EDC3: variants seen among roughly 807,000 people sequenced by gnomAD.
The protein encoded by EDC3 is enhancer of mRNA decapping 3.
Under a neutral mutation model 41.8 loss-of-function variants are expected in EDC3, and 20 were observed. The ratio of observed to expected loss-of-function variants is 0.48; its 90% CI spans 0.34 to 0.70. EDC3 has a LOEUF of 0.70. Ranked by LOEUF, EDC3 falls within the 30% of genes least tolerant of loss-of-function variation. The pLI, the probability that EDC3 is intolerant of heterozygous loss-of-function variation, is 0.01. For missense variants in EDC3, 444 were observed against 636.8 expected (o/e 0.70, Z 3.26); for synonymous variants, 206 against 243.2 (o/e 0.85, Z 1.42).
intron 1 of EDC3, among the ~76,000 whole-genome samples, chr15:74,693,169 T>C (rs2063027489): frequency 1.3e-5 from 2 of 152,238 alleles, no homozygotes; most frequent in African/African-American, 4.8e-5. Flanking sequence ...GCAACCTTTC[T>C]CATTCTAGAT....
chr15:74,691,468 T>A (rs537631832), intron 1 of EDC3, among the ~76,000 whole-genome samples: 1 of 152,216 alleles, frequency 6.6e-6, no homozygotes, highest in African/African-American at 2.4e-5. Flanking sequence ...ACTTAAGTTA[T>A]GGCGCTGTGA....
At chr15:74,685,399 T>C (rs2062923620) in intron 1 of EDC3, among the ~76,000 whole-genome samples, 1 of 151,852 alleles carries the variant, frequency 6.6e-6, no homozygotes. Context: ...TGAGACCCTG[T>C]CTCAAAACAA....
chr15:74,657,850 C>T (rs560208725), intron 3 of EDC3, among the ~76,000 whole-genome samples: 4 of 152,280 alleles, frequency 2.6e-5, no homozygotes, highest in Admixed American at 1.3e-4. Context: ...TTAGACCTTT[C>T]GGTTAACGTG....
intron 3 of EDC3, among the ~76,000 whole-genome samples, chr15:74,668,986 A>G (rs1407311609): frequency 6.6e-6 from 1 of 152,166 alleles, no homozygotes; most frequent in African/African-American, 2.4e-5. Flanking sequence ...CTGTAATCCC[A>G]GCACTTGGGG....
intron 2 of EDC3, among the ~76,000 whole-genome samples, chr15:74,672,989 G>C (rs1001484681): frequency 6.6e-6 from 1 of 152,070 alleles, no homozygotes; most frequent in East Asian, 1.9e-4. Flanking sequence ...ACAGCAGGGA[G>C]AAAGGCATCT....
In EDC3 at chr15:74,645,124, C is replaced by T. The variant is rs1209725745; in HGVS notation, c.821-4505G>A. On this transcript the variant is annotated intron_variant, in intron 4 of 6. Transcript: ENST00000315127. The stretch of plus-strand genomic sequence containing the variant: ...CTAATATCAGTATCACAAAGGACAA[C>T]AAAAGTTGTAGGAACTGTTCTAGTT... 2.0e-5 allele frequency: 3 copies of T among 152,056 alleles called. No homozygotes were observed. The East Asian group carries it at 5.8e-4, about 29-fold the overall frequency. 9.4% of individuals were successfully genotyped at this position (152,056 alleles called of 1,614,324 possible). A position where few individuals can be genotyped will look rare whatever the true frequency, so the allele number is the denominator to read the frequency against.
chr15:74,632,426 A>C lies in EDC3; in HGVS notation c.*186T>G. The C allele has an allele frequency of 1.4e-6, 1 of 714,452 alleles. No individual in the cohort carries two copies. The highest frequency in any genetic ancestry group is 2.3e-6 in the Non-Finnish European group (1 of 442,732). The allele number at this position is 714,452 out of a possible 1,614,324, so 44.3% of individuals were successfully genotyped here. A position where few individuals can be genotyped will look rare whatever the true frequency, so the allele number is the denominator to read the frequency against. On this transcript the variant is annotated 3_prime_UTR_variant, in exon 7 of 7. Transcript: ENST00000315127. This position sits in a 1 kb window ranked among gnomAD's most constrained non-coding sequence, Gnocchi z 4.0. ...CAGCCTGCCACCCAGCCCGGAACCC[A>C]GTGGGAAAGACTTCCCTGGCTAAGA...
At chr15:74,678,817 G>A (rs965968729) in intron 1 of EDC3, among the ~76,000 whole-genome samples, 1 of 151,642 alleles carries the variant, frequency 6.6e-6, no homozygotes, top group African/African-American at 2.4e-5. Context: ...TTGAAATGGG[G>A]AGGTGGAGGT....
chr15:74,657,640 T>C (rs555014926), intron 3 of EDC3, among the ~76,000 whole-genome samples: 2 of 152,310 alleles, frequency 1.3e-5, no homozygotes, highest in East Asian at 3.9e-4. Flanking sequence ...CCTGGTCTTA[T>C]AGCCTGAAGC....
chr15:74,661,143 C>T lies in EDC3; in HGVS notation c.485-5075G>A, dbSNP rs184902234. On this transcript the variant is annotated intron_variant, in intron 3 of 6. Transcript: ENST00000315127. ...TGTAAAGAAACTATATGTTAAATAA[C>T]GATAATACTAATGTAATCATAAGTA... Among the ~76,000 whole-genome samples the T allele has an allele frequency of 9.9e-4, 151 of 152,234 alleles. 1 individual carries two copies. The highest frequency in any genetic ancestry group is 3.5e-3 in the African/African-American group (147 of 41,540).
intron 1 of EDC3, among the ~76,000 whole-genome samples, chr15:74,685,014 C>G (rs562015144): frequency 1.3e-5 from 2 of 152,150 alleles, no homozygotes; most frequent in Non-Finnish European, 2.9e-5. Flanking sequence ...CCCAATCTAA[C>G]GTGGCTACTC....
At chr15:74,691,128 C>A (rs1279512256) in intron 1 of EDC3, among the ~76,000 whole-genome samples, 3 of 150,918 alleles carry the variant, frequency 2.0e-5, no homozygotes, top group South Asian at 2.1e-4. Flanking sequence ...CAGAGCAAGA[C>A]CCTGTCTCAA....
At chr15:74,685,274 G>T (rs1162829211) in intron 1 of EDC3, among the ~76,000 whole-genome samples, 3 of 152,084 alleles carry the variant, frequency 2.0e-5, no homozygotes, top group African/African-American at 7.2e-5. Flanking sequence ...GCACATGCCT[G>T]TAATACAAGC....
At chr15:74,690,336 A>C (rs766716695) in intron 1 of EDC3, among the ~76,000 whole-genome samples, 1 of 152,240 alleles carries the variant, frequency 6.6e-6, no homozygotes, top group Non-Finnish European at 1.5e-5. Flanking sequence ...CATTATTCTG[A>C]TAAGCCTTTG....
intron 2 of EDC3, chr15:74,674,755 C>G (rs1365300449): frequency 5.2e-6 from 3 of 581,984 alleles, no homozygotes; most frequent in Non-Finnish European, 9.1e-6. Flanking sequence ...TGGTTCACAC[C>G]TGAAATCCCA....
intron 4 of EDC3, chr15:74,640,912 T>A: frequency 5.1e-6 from 2 of 389,978 alleles, no homozygotes; most frequent in Non-Finnish European, 4.8e-6. Flanking sequence ...ATATATTTAG[T>A]GCTATCGAGA....
At chr15:74,685,027 C>T (rs1169534388) in intron 1 of EDC3, among the ~76,000 whole-genome samples, 1 of 152,128 alleles carries the variant, frequency 6.6e-6, no homozygotes, top group East Asian at 1.9e-4. Context: ...GGCTACTCAT[C>T]GTTATTCTCC....
intron 1 of EDC3, among the ~76,000 whole-genome samples, chr15:74,675,972 C>T (rs1276933789): frequency 6.6e-6 from 1 of 151,964 alleles, no homozygotes; most frequent in African/African-American, 2.4e-5. Context: ...CTTTTCAAGT[C>T]TACATAGAAT....
chr15:74,656,068 C>T lies in EDC3; in HGVS notation c.485G>A (p.Trp162Ter). Residue 162 changes from tryptophan to a stop codon, truncating the protein, a stop_gained and splice_region_variant, in exon 4 of 7, where the codon TGG becomes TAG. Transcript: ENST00000315127. LOFTEE classifies it high-confidence loss of function. Reference sequence around the variant, plus strand: ...ATTTGGGTGCCTGCTACTAGATGACCCTGGAGAAAAAATAGGGACTAAAGT... The same window carrying T: ...ATTTGGGTGCCTGCTACTAGATGACTCTGGAGAAAAAATAGGGACTAAAGT... The part of the protein sequence containing the change: ...SKSFRRRHNS[W>*]SSSSRHPNQA... 1.2e-6 allele frequency: 2 copies of T among 1,605,270 alleles called. No individual in the cohort carries two copies. The highest frequency in any genetic ancestry group is 1.7e-6 in the Non-Finnish European group (2 of 1,175,734).
Sources: allele counts gnomAD v4.1 joint callset (sites outside exome capture counted in the v4.1 genomes callset), GRCh38; gene constraint gnomAD v4.1.1; non-coding constraint Gnocchi (gnomAD v3.1); transcripts MANE v1.5; gene names NCBI Gene and HGNC (gene_info 2026-07-23, HGNC 2026-07-21).